CA10: variants seen among roughly 807,000 people sequenced by gnomAD.
CA10 encodes the protein carbonic anhydrase-related protein 10.
Under a neutral mutation model 44.2 loss-of-function variants are expected in CA10, and 14 were observed. That is an observed-to-expected ratio of 0.32 (90% confidence interval 0.21 to 0.50). The LOEUF is 0.50. Among genes scored for constraint, CA10 ranks in the 20% least tolerant of loss-of-function variants. The pLI is 0.99. For synonymous variants in CA10, 159 were observed against 141.6 expected, an observed-to-expected ratio of 1.12 and a Z score of -0.87; for missense variants, 350 against 409.7, an observed-to-expected ratio of 0.85 and a Z score of 1.26.
At chr17:51,754,772 G>C (rs1351317515) in intron 3 of CA10, among the ~76,000 whole-genome samples, 1 of 152,036 alleles carries the variant, frequency 6.6e-6, no homozygotes, top group Non-Finnish European at 1.5e-5. Context: ...GCCCAGCCAA[G>C]TTAACACATC....
At chr17:51,904,282 A>T (rs748843570) in intron 3 of CA10, among the ~76,000 whole-genome samples, 2 of 152,060 alleles carry the variant, frequency 1.3e-5, no homozygotes, top group Admixed American at 6.6e-5. Context: ...CCTTTGACCA[A>T]TGTGGAGGAA....
chr17:51,857,302 C>A (rs1036493414), intron 3 of CA10, among the ~76,000 whole-genome samples: 4 of 152,150 alleles, frequency 2.6e-5, no homozygotes, highest in Non-Finnish European at 2.9e-5. Context: ...GTGACATAAT[C>A]TGCATATCAT....
intron 3 of CA10, among the ~76,000 whole-genome samples, chr17:51,857,023 A>G (rs1177058432): frequency 6.6e-6 from 1 of 152,238 alleles, no homozygotes; most frequent in African/African-American, 2.4e-5. Flanking sequence ...ATCTTATCTT[A>G]TATGCAGTGC....
intron 4 of CA10, among the ~76,000 whole-genome samples, chr17:51,676,971 G>C (rs1214733536): frequency 6.6e-6 from 1 of 152,082 alleles, no homozygotes; most frequent in African/African-American, 2.4e-5. Context: ...TGACAGCCAA[G>C]AGCAGCCTCG....
chr17:51,961,413 A>G (rs1053632115), intron 2 of CA10, among the ~76,000 whole-genome samples: 4 of 151,940 alleles, frequency 2.6e-5, no homozygotes, highest in Non-Finnish European at 4.4e-5. Context: ...AACAAAAACC[A>G]AATTAAGCCA....
chr17:51,995,013 T>C (rs1242869331), intron 2 of CA10, among the ~76,000 whole-genome samples: 1 of 152,034 alleles, frequency 6.6e-6, no homozygotes, highest in Non-Finnish European at 1.5e-5. Context: ...TCTATAGGTC[T>C]TTTTTTCTTT....
At chr17:52,100,865 T>G (rs1598214767) in intron 1 of CA10, among the ~76,000 whole-genome samples, 1 of 152,352 alleles carries the variant, frequency 6.6e-6, no homozygotes, top group Admixed American at 6.5e-5. Flanking sequence ...AAGGTCTTTC[T>G]TGTACTGTAT....
At chr17:51,682,102 A>G (rs1914867474) in intron 4 of CA10, among the ~76,000 whole-genome samples, 1 of 152,222 alleles carries the variant, frequency 6.6e-6, no homozygotes, top group Admixed American at 6.5e-5. Context: ...AGATAGAAAT[A>G]AGACATGGTC....
At chr17:52,104,526 CTT>C (rs1988615369) in intron 1 of CA10, among the ~76,000 whole-genome samples, 1 of 152,138 alleles carries the variant, frequency 6.6e-6, no homozygotes, top group Non-Finnish European at 1.5e-5. Flanking sequence ...TCTTAGCTGT[CTT>C]TCTCAAACGA....
rs1209613100 is a variant in CA10 at position 52,157,831 on chromosome 17, G to A, written c.-45C>T. ...GTGCATCACTCGACGGGAAAACGGG[G>A]GGAAGGGGGGAGCCCGACACGGCAC... On this transcript the variant is annotated 5_prime_UTR_variant, in exon 1 of 9. Coordinates refer to ENST00000451037, the MANE Select transcript of CA10 (RefSeq NM_020178.5). The A allele has an allele frequency of 2.6e-6, 4 of 1,517,576 alleles. No homozygotes were observed. The South Asian group carries it at 3.4e-5, about 13-fold the overall frequency. 94.0% of individuals were successfully genotyped at this position (1,517,576 alleles called of 1,614,324 possible). A position where few individuals can be genotyped will look rare whatever the true frequency, so the allele number is the denominator to read the frequency against.
intron 2 of CA10, among the ~76,000 whole-genome samples, chr17:52,052,676 G>A (rs1334986435): frequency 1.3e-5 from 2 of 152,024 alleles, no homozygotes; most frequent in Non-Finnish European, 2.9e-5. Flanking sequence ...TAAGCTCCTT[G>A]TAGTATAATA....
chr17:51,786,400 A>C (rs1227245654), intron 3 of CA10, among the ~76,000 whole-genome samples: 1 of 152,132 alleles, frequency 6.6e-6, no homozygotes, highest in Non-Finnish European at 1.5e-5. Flanking sequence ...AAAAATACAA[A>C]AATTAGACAG....
chr17:51,906,423 T>G (rs1981557256), intron 3 of CA10, among the ~76,000 whole-genome samples: 1 of 152,196 alleles, frequency 6.6e-6, no homozygotes, highest in Non-Finnish European at 1.5e-5. Flanking sequence ...TGTCCCTCCT[T>G]TCTCACCGGA....
intron 4 of CA10, among the ~76,000 whole-genome samples, chr17:51,722,056 C>G (rs929187): frequency 0.65 from 99,046 of 151,938 alleles, 32,503 homozygotes; most frequent in Admixed American, 0.73. Flanking sequence ...TCTGATGTAA[C>G]TAAACACTTT....
Position 51,632,677 on chromosome 17 carries a change from G to C in CA10, c.964+799C>G, listed in dbSNP as rs186164666. Among the ~76,000 whole-genome samples, 20 of 152,288 alleles carry C rather than the reference G, an allele frequency of 1.3e-4. No individual in the cohort carries two copies. The East Asian group carries it at 3.1e-3, about 24-fold the overall frequency. On this transcript the variant is annotated intron_variant, in intron 8 of 8. Transcript: ENST00000451037. ...TAAACAATGTGGCTGGGTTTGCACAGCTTGTTAGAACTAGGCCCAGAACTT... is the reference window on the plus strand; with the variant it reads ...TAAACAATGTGGCTGGGTTTGCACACCTTGTTAGAACTAGGCCCAGAACTT...
At chr17:51,739,163 G>T (rs989057339) in intron 4 of CA10, among the ~76,000 whole-genome samples, 20 of 152,030 alleles carry the variant, frequency 1.3e-4, no homozygotes, top group Non-Finnish European at 2.6e-4. Flanking sequence ...GAGTCCCAAC[G>T]AATATAGGTC....
At chr17:51,700,374 TG>T (rs1229102943) in intron 4 of CA10, among the ~76,000 whole-genome samples, 1 of 152,188 alleles carries the variant, frequency 6.6e-6, no homozygotes, top group Non-Finnish European at 1.5e-5. Flanking sequence ...AGCAGAATCC[TG>T]GCAATGGCTG....
At position 51,934,581 on chromosome 17, in the gene CA10, T is replaced by C. The variant is rs564083748; in HGVS notation, c.137-3449A>G. ...TCAACTATTCTAAATAAACTTAGGATTTTAAAGGAGCCATACAACCATGGA... is the reference window on the plus strand; with the variant it reads ...TCAACTATTCTAAATAAACTTAGGACTTTAAAGGAGCCATACAACCATGGA... On this transcript the variant is annotated intron_variant, in intron 2 of 8. Coordinates refer to ENST00000451037, the MANE Select transcript of CA10 (RefSeq NM_020178.5). Among the ~76,000 whole-genome samples the C allele has an allele frequency of 2.4e-4, 37 of 152,228 alleles. No individual in the cohort carries two copies. The South Asian group carries it at 7.5e-3, about 31-fold the overall frequency.
chr17:51,703,187 C>T (rs1229489859), intron 4 of CA10, among the ~76,000 whole-genome samples: 1 of 152,072 alleles, frequency 6.6e-6, no homozygotes, highest in Non-Finnish European at 1.5e-5. Context: ...TCCAATTGGC[C>T]TGAGATAAGC....
Sources: allele counts gnomAD v4.1 joint callset (sites outside exome capture counted in the v4.1 genomes callset), GRCh38; gene constraint gnomAD v4.1.1; transcripts MANE v1.5; gene names NCBI Gene and HGNC (gene_info 2026-07-23, HGNC 2026-07-21).